NPM1: variants seen among roughly 807,000 people sequenced by gnomAD.
The protein encoded by NPM1 is nucleophosmin.
NPM1 carries 1 observed loss-of-function variant against 44.1 expected under a neutral mutation model. That is an observed-to-expected ratio of 0.02 (90% CI 0.01 to 0.11). The LOEUF (loss-of-function observed/expected upper bound fraction) is 0.11, where lower values mean the gene tolerates loss of function less well. NPM1 is among the 10% of genes least tolerant of loss of function. NPM1 has a pLI of 1.00. For missense variants in NPM1, 197 were observed against 347.8 expected, an observed-to-expected ratio of 0.57 and a Z score of 3.45; for synonymous variants, 126 against 111.8, an observed-to-expected ratio of 1.13 and a Z score of -0.80.
chr5:171,391,962 G>GGGA (rs1561864903), intron 4 of NPM1, among the ~76,000 whole-genome samples, 163 bp downstream of exon 4: 1 of 126,620 alleles, frequency 7.9e-6, no homozygotes, highest in Admixed American at 7.8e-5. Flanking sequence ...TGGGGCGGGG[G>GGGA]GGAGAGGAAA....
intron 8 of NPM1, among the ~76,000 whole-genome samples, chr5:171,401,385 T>TACAC (rs139498010): frequency 6.7e-6 from 1 of 149,980 alleles, no homozygotes; most frequent in Non-Finnish European, 1.5e-5. Context: ...GTGTTGTAGG[T>TACAC]ACACACACAC....
intron 8 of NPM1, among the ~76,000 whole-genome samples, chr5:171,404,868 CTCTG>C (rs1177607984): frequency 6.6e-6 from 1 of 152,088 alleles, no homozygotes; most frequent in Non-Finnish European, 1.5e-5. Flanking sequence ...GTGAACGAGA[CTCTG>C]TCTGCCCTGA....
At chr5:171,397,066 C>T (rs924891082) in intron 6 of NPM1, among the ~76,000 whole-genome samples, 6 of 152,176 alleles carry the variant, frequency 3.9e-5, no homozygotes, top group East Asian at 1.9e-4. Context: ...AATGAGAAAT[C>T]GTACTCTATA....
At chr5:171,391,112 T>A in intron 2 of NPM1, 193 bp from the exon 3 acceptor site, 1 of 585,892 alleles carries the variant, frequency 1.7e-6, no homozygotes, top group South Asian at 2.2e-5. Context: ...CCTAGGTGTG[T>A]GTAGTAGGCT....
intron 8 of NPM1, among the ~76,000 whole-genome samples, chr5:171,401,794 C>G (rs1771216069): frequency 6.6e-6 from 1 of 152,124 alleles, no homozygotes; most frequent in Non-Finnish European, 1.5e-5. Flanking sequence ...AAAGGTATGT[C>G]TGCATAGAGT....
intron 8 of NPM1, 140 bp from the exon 9 acceptor site, chr5:171,405,162 T>A (rs1001748660): frequency 2.0e-5 from 12 of 607,102 alleles, no homozygotes; most frequent in African/African-American, 1.9e-4. Context: ...TGGCGTGAAT[T>A]TATTGATGAT....
At chr5:171,389,067 CTA>C (rs1770433483) in intron 1 of NPM1, among the ~76,000 whole-genome samples, 1 of 152,202 alleles carries the variant, frequency 6.6e-6, no homozygotes, top group South Asian at 2.1e-4. Flanking sequence ...AGACCTAAGA[CTA>C]TTCGCAGAAT....
At chr5:171,391,990 C>T (rs1581239775) in intron 4 of NPM1, among the ~76,000 whole-genome samples, 191 bp downstream of exon 4, 1 of 151,874 alleles carries the variant, frequency 6.6e-6, no homozygotes, top group Middle Eastern at 3.4e-3. Context: ...GTCACCCAGG[C>T]TAGAGTACAG....
At chr5:171,391,862 C>A in intron 4 of NPM1, 63 bp downstream of exon 4, 1 of 986,168 alleles carries the variant, frequency 1.0e-6, no homozygotes, top group South Asian at 1.3e-5. Context: ...GCTTGGTTCC[C>A]AGTTTGGACT....
chr5:171,399,584 C>CT lies in NPM1; in HGVS notation c.525-567dup, dbSNP rs141919966. 2.1e-3 allele frequency among the ~76,000 whole-genome samples: 327 copies of CT among 152,180 alleles called. 3 individuals are homozygous for CT. Among genetic ancestry groups the CT allele is most frequent in the African/African-American group, 7.4e-3 (307 of 41,524 alleles). On this transcript the variant is annotated intron_variant, in intron 6 of 10. Transcript: ENST00000296930. ...GGATCTGTTTCTACAGAGAAACCAG[C>CT]TTGGGGAGTCTTCTAACGATTGTAT...
intron 1 of NPM1, among the ~76,000 whole-genome samples, chr5:171,388,869 G>T (rs111376766): frequency 1.7e-4 from 26 of 152,322 alleles, no homozygotes; most frequent in African/African-American, 6.0e-4. Flanking sequence ...AACGAAGGTT[G>T]TACTTAGTAA....
rs1305249653 is a variant in NPM1 at position 171,410,656 on chromosome 5, G to A, written c.*91G>A. ...CTGGCTGTCCTTTTTATAATGCAGA[G>A]TGAGAACTTTCCCTACCGTGTTTGA... On this transcript the variant is annotated 3_prime_UTR_variant, in exon 11 of 11. Transcript: ENST00000296930. 1.6e-5 allele frequency: 11 copies of A among 707,280 alleles called. No individual in the cohort carries two copies. The African/African-American group carries it at 1.8e-4, about 12-fold the overall frequency. The allele number at this position is 707,280 out of a possible 1,614,324, so 43.8% of individuals were successfully genotyped here. A position where few individuals can be genotyped will look rare whatever the true frequency, so the allele number is the denominator to read the frequency against.
intron 4 of NPM1, among the ~76,000 whole-genome samples, chr5:171,392,210 G>A (rs552108389): frequency 6.6e-6 from 1 of 152,284 alleles, no homozygotes; most frequent in African/African-American, 2.4e-5. Context: ...CAAAGTGCTA[G>A]TATTACACGT....
At chr5:171,388,604 G>C (rs1292664874) in intron 1 of NPM1, among the ~76,000 whole-genome samples, 1 of 151,818 alleles carries the variant, frequency 6.6e-6, no homozygotes, top group Non-Finnish European at 1.5e-5. Context: ...GGGGGAGGGA[G>C]GGGGGTGTGG....
At chr5:171,407,603 T>A (rs1315926095) in intron 9 of NPM1, 97 bp from the exon 10 acceptor site, 1 of 744,334 alleles carries the variant, frequency 1.3e-6, no homozygotes, top group Non-Finnish European at 2.3e-6. Flanking sequence ...AATAAACTGA[T>A]CCATGTAGTA....
At chr5:171,405,155 C>T (rs1046043035) in intron 8 of NPM1, 147 bp from the exon 9 acceptor site, 11 of 599,628 alleles carry the variant, frequency 1.8e-5, no homozygotes, top group Admixed American at 9.6e-5. Context: ...AATTATATGG[C>T]GTGAATTTAT....
intron 1 of NPM1, 72 bp downstream of exon 1, chr5:171,388,078 G>GGTGTGGGGGGGGGGGTGGGGGGGC: frequency 1.6e-6 from 1 of 616,752 alleles, no homozygotes; most frequent in Non-Finnish European, 3.0e-6. Flanking sequence ...TGAGGGGCGG[G>GGTGTGGGGGGGGGGGTGGGGGGGC]AATCCGGCTG....
intron 6 of NPM1, among the ~76,000 whole-genome samples, chr5:171,396,420 G>T (rs1245747934): frequency 3.9e-5 from 6 of 152,222 alleles, no homozygotes; most frequent in Non-Finnish European, 8.8e-5. Flanking sequence ...CAGGGATTGG[G>T]TTCTAATGCC....
intron 8 of NPM1, among the ~76,000 whole-genome samples, chr5:171,402,103 G>A (rs530216527): frequency 8.1e-5 from 11 of 135,878 alleles, no homozygotes; most frequent in African/African-American, 1.9e-4. Flanking sequence ...CAATTTAAAC[G>A]AATAAATTTC....
Sources: allele counts gnomAD v4.1 joint callset (sites outside exome capture counted in the v4.1 genomes callset), GRCh38; gene constraint gnomAD v4.1.1; transcripts MANE v1.5; gene names NCBI Gene and HGNC (gene_info 2026-07-23, HGNC 2026-07-21).